EPSTI1: variants seen among roughly 807,000 people sequenced by gnomAD.
EPSTI1 encodes the protein epithelial-stromal interaction protein 1.
Under a neutral mutation model 49.9 loss-of-function variants are expected in EPSTI1, and 66 were observed. The observed-to-expected ratio is 1.32, with a 90% CI of 1.08 to 1.62. EPSTI1 has a LOEUF of 1.62. EPSTI1 is among the 40% of genes most tolerant of loss of function. The probability of loss-of-function intolerance (pLI) is 0.00; values close to 1 mark genes in which losing one functional copy is unlikely to be tolerated. For missense variants in EPSTI1, 394 were observed against 365.5 expected, an observed-to-expected ratio of 1.08 and a Z score of -0.64; for synonymous variants, 137 against 130.7, an observed-to-expected ratio of 1.05 and a Z score of -0.33.
At chr13:42,971,196 A>G (rs779254848) in intron 1 of EPSTI1, among the ~76,000 whole-genome samples, 2 of 152,172 alleles carry the variant, frequency 1.3e-5, no homozygotes, top group African/African-American at 2.4e-5. Flanking sequence ...GTTGAGCATA[A>G]TCAGGGGCTC....
chr13:42,963,115 T>G, intron 5 of EPSTI1, 140 bp downstream of exon 5: 2 of 725,252 alleles, frequency 2.8e-6, no homozygotes, highest in Non-Finnish European at 4.7e-6. Context: ...AAAAACTGGA[T>G]GAGGAAAAGA....
At chr13:42,929,605 T>C (rs903193999) in intron 6 of EPSTI1, among the ~76,000 whole-genome samples, 2 of 152,238 alleles carry the variant, frequency 1.3e-5, no homozygotes, top group Non-Finnish European at 2.9e-5. Context: ...TGGTAGTTTT[T>C]GGTTAACGCA....
chr13:42,910,991 T>C (rs1334538360), intron 8 of EPSTI1, among the ~76,000 whole-genome samples: 1 of 152,208 alleles, frequency 6.6e-6, no homozygotes, highest in African/African-American at 2.4e-5. Flanking sequence ...AAGATTAAAA[T>C]TTATCAATGT....
At chr13:42,951,101 G>C (rs911098462) in intron 6 of EPSTI1, among the ~76,000 whole-genome samples, 30 of 152,214 alleles carry the variant, frequency 2.0e-4, no homozygotes, top group African/African-American at 6.7e-4. Flanking sequence ...AGGTTACAGT[G>C]AGCCAAGACC....
intron 1 of EPSTI1, among the ~76,000 whole-genome samples, chr13:42,986,764 A>C (rs1167810227): frequency 6.7e-6 from 1 of 148,994 alleles, no homozygotes; most frequent in Non-Finnish European, 1.5e-5. Flanking sequence ...AAAAAAAAAA[A>C]AAAAAAACAA....
chr13:42,987,588 T>A (rs1007907659), intron 1 of EPSTI1, among the ~76,000 whole-genome samples: 5 of 151,954 alleles, frequency 3.3e-5, no homozygotes, highest in African/African-American at 9.7e-5. Context: ...ATTTTTTTTT[T>A]AAGCTCATCC....
At chr13:42,981,966 T>C (rs2039994327) in intron 1 of EPSTI1, among the ~76,000 whole-genome samples, 1 of 152,140 alleles carries the variant, frequency 6.6e-6, no homozygotes, top group Non-Finnish European at 1.5e-5. Flanking sequence ...TGTAAGTTAC[T>C]ATGTTGTTGA....
intron 6 of EPSTI1, among the ~76,000 whole-genome samples, chr13:42,940,088 G>T (rs987855060): frequency 2.6e-5 from 4 of 152,170 alleles, no homozygotes; most frequent in African/African-American, 7.2e-5. Flanking sequence ...TGAAAAACAT[G>T]CAGACTCTGT....
chr13:42,903,185 C>T (rs2037408032), intron 8 of EPSTI1, among the ~76,000 whole-genome samples: 1 of 150,258 alleles, frequency 6.7e-6, no homozygotes, highest in South Asian at 2.1e-4. Flanking sequence ...AAAATACATA[C>T]ATATATATAT....
chr13:42,905,158 T>A (rs1263292045), intron 8 of EPSTI1, among the ~76,000 whole-genome samples: 2 of 151,810 alleles, frequency 1.3e-5, no homozygotes, highest in Non-Finnish European at 2.9e-5. Context: ...CTAAGAACTG[T>A]TAGGGAGGAA....
At chr13:42,888,863 A>C (rs1457115544) in intron 10 of EPSTI1, among the ~76,000 whole-genome samples, 3 of 152,178 alleles carry the variant, frequency 2.0e-5, no homozygotes, top group Non-Finnish European at 4.4e-5. Flanking sequence ...TTTAAATGGA[A>C]ATGTCTCAAG....
rs2039400236 is a variant in EPSTI1 at position 42,960,045 on chromosome 13, C to T, written c.489+3210G>A. Among the ~76,000 whole-genome samples, 4 of 152,194 alleles carry T rather than the reference C, an allele frequency of 2.6e-5. No homozygotes were observed. In the South Asian group the frequency reaches 8.3e-4, roughly 32 times the overall value. ...TACAAAGGATGTACATATGCTATTG[C>T]AAATACTACTCCATTTTATATAGGA... On this transcript the variant is annotated intron_variant, in intron 5 of 10. Transcript: ENST00000313624.
At chr13:42,915,406 A>G (rs4941447) in intron 8 of EPSTI1, among the ~76,000 whole-genome samples, 143,558 of 152,232 alleles carry the variant, frequency 0.94, 68,267 homozygotes, top group East Asian at 1. Flanking sequence ...AGTGGCATGC[A>G]CCTGTAATCC....
intron 8 of EPSTI1, among the ~76,000 whole-genome samples, chr13:42,901,591 A>G (rs1036923050): frequency 1.3e-5 from 2 of 152,192 alleles, no homozygotes; most frequent in Admixed American, 1.3e-4. Flanking sequence ...CTTGCACAAT[A>G]GGATCATTTT....
At chr13:42,897,267 T>A (rs9567063) in intron 9 of EPSTI1, among the ~76,000 whole-genome samples, 52 of 152,234 alleles carry the variant, frequency 3.4e-4, no homozygotes, top group Non-Finnish European at 6.6e-4. Flanking sequence ...ATGTCACCTC[T>A]GCAGTGAGGC....
chr13:42,938,710 T>C (rs2038646140), intron 6 of EPSTI1, among the ~76,000 whole-genome samples: 1 of 151,854 alleles, frequency 6.6e-6, no homozygotes, highest in Non-Finnish European at 1.5e-5. Flanking sequence ...GGTCAGGAGT[T>C]CAAGACAAGC....
At chr13:42,889,002 G>A (rs149602210) in intron 10 of EPSTI1, among the ~76,000 whole-genome samples, 129 of 152,312 alleles carry the variant, frequency 8.5e-4, no homozygotes, top group Middle Eastern at 3.4e-3. Flanking sequence ...GCCTTCTGCA[G>A]TGCTGGGCCA....
Position 42,942,905 on chromosome 13 carries a change from G to T in EPSTI1, c.563+11043C>A, listed in dbSNP as rs1313507271. Among the ~76,000 whole-genome samples the T allele has an allele frequency of 2.6e-5, 4 of 151,576 alleles. No homozygotes were observed. In the East Asian group the frequency reaches 7.8e-4, roughly 29 times the overall value. On this transcript the variant is annotated intron_variant, in intron 6 of 10. Transcript: ENST00000313624. ...GGGTTTCACCTTGTTAGCCAGGATG[G>T]TCTCGATCTCCTGACCTCATGATCC...
At chr13:42,911,264 T>TGTGTGTGCGC (rs549150890) in intron 8 of EPSTI1, among the ~76,000 whole-genome samples, 2,272 of 148,510 alleles carry the variant, frequency 0.015, 22 homozygotes, top group East Asian at 0.045. Context: ...TGTGTGTGTG[T>TGTGTGTGCGC]GCGCGCGCAC....
Sources: allele counts gnomAD v4.1 joint callset (sites outside exome capture counted in the v4.1 genomes callset), GRCh38; gene constraint gnomAD v4.1.1; transcripts MANE v1.5; gene names NCBI Gene and HGNC (gene_info 2026-07-23, HGNC 2026-07-21).